The following RBFOX1 variants were observed in gnomAD, a reference collection of about 807,000 sequenced individuals.
The protein encoded by RBFOX1 is RNA binding fox-1 homolog 1.
In RBFOX1, 8 loss-of-function variants were observed where a neutral mutation model predicts 57.7. The ratio of observed to expected loss-of-function variants is 0.14; its 90% CI spans 0.08 to 0.25. The LOEUF (loss-of-function observed/expected upper bound fraction) is 0.25. Ranked by LOEUF, RBFOX1 falls within the 10% of genes least tolerant of loss-of-function variation. The pLI, the probability that RBFOX1 is intolerant of heterozygous loss-of-function variation, is 1.00. For missense variants in RBFOX1, 611 were observed against 548.5 expected (o/e 1.11, Z -1.14); for synonymous variants, 326 against 222.4 (o/e 1.47, Z -4.15).
intron 3 of RBFOX1, among the ~76,000 whole-genome samples, chr16:6,944,710 G>C (rs1217243680): frequency 6.6e-6 from 1 of 152,108 alleles, no homozygotes; most frequent in Non-Finnish European, 1.5e-5. Flanking sequence ...ATGGTTTCCT[G>C]GGCAACCTTT....
chr16:6,714,641 A>G (rs1175396680), intron 3 of RBFOX1, among the ~76,000 whole-genome samples: 1 of 152,152 alleles, frequency 6.6e-6, no homozygotes, highest in African/African-American at 2.4e-5. Flanking sequence ...AGATGAACAT[A>G]TTACAGCCAG....
intron 4 of RBFOX1, among the ~76,000 whole-genome samples, chr16:5,938,069 A>G (rs941880375): frequency 6.6e-6 from 1 of 152,084 alleles, no homozygotes; most frequent in Non-Finnish European, 1.5e-5. Context: ...TTTTGCTAAC[A>G]TTCTGGCCAA....
chr16:6,247,068 C>T (rs1002260933), intron 1 of RBFOX1, among the ~76,000 whole-genome samples: 4 of 152,154 alleles, frequency 2.6e-5, no homozygotes, highest in African/African-American at 9.7e-5. Flanking sequence ...GGAACTCCAT[C>T]TCAAACTAAC....
At chr16:7,346,846 G>A (rs1215356040) in intron 4 of RBFOX1, among the ~76,000 whole-genome samples, 1 of 152,134 alleles carries the variant, frequency 6.6e-6, no homozygotes, top group African/African-American at 2.4e-5. Flanking sequence ...TTGAATGTGT[G>A]TTTTTGTTAA....
chr16:5,855,391 G>A (rs755584883), intron 3 of RBFOX1, among the ~76,000 whole-genome samples: 2 of 152,130 alleles, frequency 1.3e-5, no homozygotes, highest in Non-Finnish European at 1.5e-5. Context: ...TTTTGAGTAG[G>A]TTATTGTATA....
At chr16:5,309,483 G>A (rs558725277) in intron 1 of RBFOX1, among the ~76,000 whole-genome samples, 19 of 152,258 alleles carry the variant, frequency 1.2e-4, no homozygotes, top group Admixed American at 5.9e-4. Context: ...CTTTTTAAGT[G>A]TCTAAACCTC....
chr16:6,383,593 T>C (rs1437552650), intron 2 of RBFOX1, among the ~76,000 whole-genome samples: 2 of 152,002 alleles, frequency 1.3e-5, no homozygotes, highest in East Asian at 1.9e-4. Flanking sequence ...GCCAACATGG[T>C]GAAACCCCGT....
intron 4 of RBFOX1, among the ~76,000 whole-genome samples, chr16:7,103,289 C>G (rs956235901): frequency 6.6e-6 from 1 of 152,052 alleles, no homozygotes; most frequent in Non-Finnish European, 1.5e-5. Context: ...TATGACGTGT[C>G]CAGTCTCAAG....
chr16:5,310,589 G>A (rs2151219906), intron 1 of RBFOX1, among the ~76,000 whole-genome samples: 1 of 152,252 alleles, frequency 6.6e-6, no homozygotes, highest in South Asian at 2.1e-4. Flanking sequence ...AGATTCATGG[G>A]CAGAGGCTAC....
intron 4 of RBFOX1, among the ~76,000 whole-genome samples, chr16:7,239,771 C>T (rs1306009670): frequency 6.6e-6 from 1 of 152,082 alleles, no homozygotes; most frequent in Non-Finnish European, 1.5e-5. Flanking sequence ...AGCAGTAACT[C>T]ACTTAGGGAT....
At chr16:5,296,844 A>G (rs1019283572) in intron 1 of RBFOX1, among the ~76,000 whole-genome samples, 3 of 151,776 alleles carry the variant, frequency 2.0e-5, no homozygotes, top group Non-Finnish European at 4.4e-5. Context: ...ACGCCCAGCT[A>G]ATTTTTGTAT....
chr16:7,522,749 A>C (rs2077785461), intron 5 of RBFOX1, among the ~76,000 whole-genome samples: 1 of 152,212 alleles, frequency 6.6e-6, no homozygotes, highest in South Asian at 2.1e-4. Context: ...GAAAGTGATG[A>C]AGTGTTTTAT....
intron 4 of RBFOX1, among the ~76,000 whole-genome samples, chr16:7,125,966 C>G (rs2068423739): frequency 6.6e-6 from 1 of 152,118 alleles, no homozygotes. Context: ...ACCCGTAATC[C>G]CAGCTGCTCG....
At chr16:6,542,483 C>CTGTTGTTTTTTTTTTT (rs2096834941) in intron 2 of RBFOX1, among the ~76,000 whole-genome samples, 1 of 55,720 alleles carries the variant, frequency 1.8e-5, no homozygotes, top group Non-Finnish European at 3.0e-5. Context: ...GGACCATAGT[C>CTGTTGTTTTTTTTTTT]TTTTTTTTTT....
chr16:7,582,631 TC>T (rs1392436390), intron 6 of RBFOX1, among the ~76,000 whole-genome samples: 1 of 152,176 alleles, frequency 6.6e-6, no homozygotes, highest in Non-Finnish European at 1.5e-5. Context: ...GAGGGTTTCC[TC>T]TTTTGGGTCA....
intron 3 of RBFOX1, among the ~76,000 whole-genome samples, chr16:6,808,544 T>A (rs1421756185): frequency 6.6e-6 from 1 of 152,112 alleles, no homozygotes; most frequent in Non-Finnish European, 1.5e-5. Context: ...GTTTGCATAC[T>A]CAACAAACAT....
chr16:7,602,609 A>G (rs547068749), intron 9 of RBFOX1, among the ~76,000 whole-genome samples: 11 of 152,330 alleles, frequency 7.2e-5, no homozygotes, highest in Admixed American at 2.6e-4. Context: ...TCTTTCAGGT[A>G]CGAGGAGGAG....
intron 4 of RBFOX1, among the ~76,000 whole-genome samples, chr16:7,054,402 G>T (rs1432823975): frequency 6.6e-6 from 1 of 151,630 alleles, no homozygotes; most frequent in South Asian, 2.1e-4. Context: ...ACCACGCCCA[G>T]CTAATTTTTT....
chr16:7,599,330 CAT>C (rs2094883479), intron 9 of RBFOX1, among the ~76,000 whole-genome samples: 1 of 152,204 alleles, frequency 6.6e-6, no homozygotes, highest in Non-Finnish European at 1.5e-5. Flanking sequence ...ACTAGCTGCT[CAT>C]GTGTGCTGAG....
Sources: gnomAD v4.1 joint callset for allele counts (sites outside exome capture counted in the v4.1 genomes callset) on GRCh38, gnomAD v4.1.1 for gene constraint, MANE v1.5 for transcripts, NCBI Gene and HGNC (gene_info 2026-07-23, HGNC 2026-07-21) for gene names.